The following LINGO2 variants were observed in gnomAD, a reference collection of about 807,000 sequenced individuals.
The protein encoded by LINGO2 is leucine-rich repeat and immunoglobulin-like domain-containing nogo receptor-interacting protein 2.
A neutral mutation model predicts 30.6 loss-of-function variants in LINGO2; 14 were observed. The ratio of observed to expected loss-of-function variants is 0.46; its 90% CI spans 0.30 to 0.72. LINGO2 has a LOEUF of 0.72. LINGO2 is among the 30% of genes least tolerant of loss of function. The pLI, the probability that LINGO2 is intolerant of heterozygous loss-of-function variation, is 0.07. For synonymous variants in LINGO2, 317 were observed against 288.5 expected (o/e 1.10, Z -1.00); for missense variants, 729 against 751.7 (o/e 0.97, Z 0.35).
chr9:28,537,645 G>A (rs1821493458), intron 1 of LINGO2, among the ~76,000 whole-genome samples: 1 of 151,858 alleles, frequency 6.6e-6, no homozygotes. Context: ...CAGAACTCAG[G>A]AAAGTATCCA....
At chr9:28,713,787 G>A in the LINGO2 span, among the ~76,000 whole-genome samples, 2 of 151,992 alleles carry the variant, frequency 1.3e-5, no homozygotes, top group Admixed American at 1.3e-4. Context: ...GCATTGACTG[G>A]GGATCATTAA....
the LINGO2 span, among the ~76,000 whole-genome samples, chr9:28,900,382 A>G: frequency 3.9e-5 from 6 of 152,142 alleles, no homozygotes; most frequent in Non-Finnish European, 8.8e-5. Flanking sequence ...TTACTCTAGC[A>G]CCAGGTCAGT....
At position 28,111,895 on chromosome 9, in the gene LINGO2, GTTTA is replaced by G. The variant is rs541664007; in HGVS notation, c.-86-99494_-86-99491del. Reference sequence around the variant, plus strand: ...CCATATCTTAGATGATAGAATAAATGTTTATTTATTTATTTATTTATTTTTTATT... The same window carrying G: ...CCATATCTTAGATGATAGAATAAATGTTTATTTATTTATTTATTTTTTATT... On this transcript the variant is annotated intron_variant, in intron 4 of 5. Transcript: ENST00000379992. 3.4e-3 allele frequency among the ~76,000 whole-genome samples: 521 copies of G among 151,924 alleles called. 6 individuals are homozygous for G. The highest frequency in any genetic ancestry group is 0.017 in the Admixed American group (255 of 15,238).
chr9:28,708,761 T>TTATC, the LINGO2 span, among the ~76,000 whole-genome samples: 9,061 of 147,830 alleles, frequency 0.061, 401 homozygotes, highest in South Asian at 0.22. Context: ...TTTAAACTAA[T>TTATC]TATCTATCTA....
chr9:29,071,248 T>C, the LINGO2 span, among the ~76,000 whole-genome samples: 4 of 150,366 alleles, frequency 2.7e-5, no homozygotes, highest in Non-Finnish European at 4.4e-5. Context: ...TGGAGTGTAG[T>C]TGGCATGATC....
chr9:28,091,890 T>C (rs1302973447), intron 4 of LINGO2, among the ~76,000 whole-genome samples: 1 of 152,082 alleles, frequency 6.6e-6, no homozygotes, highest in Non-Finnish European at 1.5e-5. Flanking sequence ...GTGAAGGATA[T>C]GAACAGACAC....
At chr9:28,621,227 T>C (rs1826374956) in intron 1 of LINGO2, among the ~76,000 whole-genome samples, 1 of 152,002 alleles carries the variant, frequency 6.6e-6, no homozygotes, top group South Asian at 2.1e-4. Context: ...TAACAATATA[T>C]AATGTGTTAA....
chr9:28,472,733 T>C (rs1825577152), intron 2 of LINGO2, among the ~76,000 whole-genome samples: 1 of 152,152 alleles, frequency 6.6e-6, no homozygotes, highest in Non-Finnish European at 1.5e-5. Flanking sequence ...ATACTGGTCA[T>C]ATGTTTTCTC....
chr9:28,811,826 C>T, the LINGO2 span, among the ~76,000 whole-genome samples: 1 of 151,884 alleles, frequency 6.6e-6, no homozygotes, highest in Non-Finnish European at 1.5e-5. Flanking sequence ...TATTCATTTG[C>T]CATTCATTCA....
chr9:28,555,879 A>T (rs896651478), intron 1 of LINGO2, among the ~76,000 whole-genome samples: 2 of 152,144 alleles, frequency 1.3e-5, no homozygotes, highest in African/African-American at 4.8e-5. Context: ...GCATATAAAC[A>T]GAACCAAAGA....
intron 4 of LINGO2, among the ~76,000 whole-genome samples, chr9:28,082,371 G>C (rs1409006606): frequency 6.6e-6 from 1 of 152,018 alleles, no homozygotes; most frequent in African/African-American, 2.4e-5. Context: ...ATTACAAATT[G>C]TCAGATTTAA....
chr9:28,487,625 T>C (rs1223818738), intron 1 of LINGO2, among the ~76,000 whole-genome samples: 1 of 152,136 alleles, frequency 6.6e-6, no homozygotes, highest in African/African-American at 2.4e-5. Context: ...ATAAAGTGTA[T>C]ACAAATATCC....
At chr9:28,227,009 A>G (rs1265162021) in intron 4 of LINGO2, among the ~76,000 whole-genome samples, 1 of 152,152 alleles carries the variant, frequency 6.6e-6, no homozygotes, top group East Asian at 1.9e-4. Flanking sequence ...ATCTAATCTC[A>G]GTATCAGTTT....
chr9:28,975,072 T>A, the LINGO2 span, among the ~76,000 whole-genome samples: 5 of 152,232 alleles, frequency 3.3e-5, no homozygotes, highest in South Asian at 6.2e-4. Context: ...GGCATTAAGA[T>A]GCACATAGTA....
intron 1 of LINGO2, among the ~76,000 whole-genome samples, chr9:28,483,367 T>G (rs1318252813): frequency 1.3e-5 from 2 of 152,044 alleles, no homozygotes; most frequent in Non-Finnish European, 2.9e-5. Context: ...CCTAAGACAT[T>G]GCAGGTGGCA....
chr9:28,318,430 T>C (rs1158777454), intron 3 of LINGO2, among the ~76,000 whole-genome samples: 1 of 152,212 alleles, frequency 6.6e-6, no homozygotes, highest in Non-Finnish European at 1.5e-5. Context: ...GTGTGAACTA[T>C]GTGTTCATCT....
At chr9:28,267,263 C>T (rs757441453) in intron 4 of LINGO2, among the ~76,000 whole-genome samples, 1 of 151,736 alleles carries the variant, frequency 6.6e-6, no homozygotes, top group Non-Finnish European at 1.5e-5. Context: ...ACAATACCAC[C>T]ATTTTTTTTT....
chr9:28,540,234 G>C (rs1167414110), intron 1 of LINGO2, among the ~76,000 whole-genome samples: 1 of 146,278 alleles, frequency 6.8e-6, no homozygotes, highest in African/African-American at 2.5e-5. Context: ...TTTTTTCTTT[G>C]AGACAGGCTC....
intron 1 of LINGO2, among the ~76,000 whole-genome samples, chr9:28,482,507 G>A (rs1361351640): frequency 1.3e-5 from 2 of 151,984 alleles, no homozygotes; most frequent in African/African-American, 4.8e-5. Context: ...TGAGTTCATT[G>A]TAGATTCTGG....
Sources: allele counts gnomAD v4.1 joint callset (sites outside exome capture counted in the v4.1 genomes callset), GRCh38; gene constraint gnomAD v4.1.1; transcripts MANE v1.5; gene names NCBI Gene and HGNC (gene_info 2026-07-23, HGNC 2026-07-21).